RNMT: variants seen among roughly 807,000 people sequenced by gnomAD.
The protein encoded by RNMT is mRNA cap guanine-N(7) methyltransferase.
A neutral mutation model predicts 56.0 loss-of-function variants in RNMT; 27 were observed. The observed-to-expected ratio is 0.48, with a 90% CI of 0.36 to 0.67. The LOEUF (loss-of-function observed/expected upper bound fraction) is 0.67. RNMT is among the 30% of genes least tolerant of loss of function. The probability of loss-of-function intolerance (pLI) is 0.00; values close to 1 mark genes in which losing one functional copy is unlikely to be tolerated. For synonymous variants in RNMT, 184 were observed against 176.2 expected (o/e 1.04, Z -0.35); for missense variants, 519 against 552.1 (o/e 0.94, Z 0.60).
intron 8 of RNMT, 118 bp downstream of exon 8, chr18:13,742,770 CTTGT>C: frequency 1.3e-6 from 1 of 741,280 alleles, no homozygotes; most frequent in Non-Finnish European, 2.1e-6. Context: ...AAAGTATAAT[CTTGT>C]TTTTTTGTTT....
chr18:13,738,745 C>T (rs544938302), intron 5 of RNMT, among the ~76,000 whole-genome samples: 5 of 152,320 alleles, frequency 3.3e-5, no homozygotes, highest in East Asian at 1.9e-4. Context: ...GTGATCAATA[C>T]GAGTTTTTCA....
intron 10 of RNMT, among the ~76,000 whole-genome samples, chr18:13,753,663 C>T (rs542642485): frequency 3.9e-4 from 56 of 141,982 alleles, no homozygotes; most frequent in African/African-American, 1.3e-3. Flanking sequence ...CCCAGCTACT[C>T]GGCAGGCTGA....
Position 13,740,236 on chromosome 18 carries a change from A to C in RNMT, c.749A>C (p.Glu250Ala). 6.2e-7 allele frequency: 1 copy of C among 1,611,376 alleles called. No homozygotes were observed. Among genetic ancestry groups the C allele is most frequent in the Non-Finnish European group, 8.5e-7 (1 of 1,177,520 alleles). Reference sequence around the variant, plus strand: ...GACATGAAAAATCGTCGTGATAGTGAATATATTTTCAGTGCAGAATTTATA... The same window carrying C: ...GACATGAAAAATCGTCGTGATAGTGCATATATTTTCAGTGCAGAATTTATA... ...YEDMKNRRDS[E>A]YIFSAEFITA... The change falls in exon 6 of 12, where the codon GAA becomes GCA. Residue 250 changes from glutamate to alanine, a missense_variant. Coordinates refer to ENST00000383314, the MANE Select transcript of RNMT (RefSeq NM_003799.3).
chr18:13,738,203 C>CT (rs890388725), intron 5 of RNMT, among the ~76,000 whole-genome samples: 4 of 152,008 alleles, frequency 2.6e-5, no homozygotes, highest in Non-Finnish European at 2.9e-5. Flanking sequence ...CCCCAGAAAG[C>CT]TTTTTTGTAT....
In RNMT at chr18:13,736,627, G is replaced by C. The variant is rs1348528136; in HGVS notation, c.554-383G>C. On this transcript the variant is annotated intron_variant, in intron 4 of 11. Transcript: ENST00000383314. ...TGTTAAACACCTAGCTATGGAAAGA[G>C]AAAGCTACAAAAAAAAATATGAATA... Among the ~76,000 whole-genome samples, 7 of 150,966 alleles carry C rather than the reference G, an allele frequency of 4.6e-5. 1 individual carries two copies. The South Asian group carries it at 1.5e-3, about 32-fold the overall frequency.
Position 13,731,470 on chromosome 18 carries a change from T to G in RNMT, c.-42-6T>G. 5 of 1,471,934 alleles carry G rather than the reference T, an allele frequency of 3.4e-6. No homozygotes were observed. In the South Asian group the frequency reaches 6.7e-5, roughly 20 times the overall value. The allele number at this position is 1,471,934 out of a possible 1,614,324, so 91.2% of individuals were successfully genotyped here. A position where few individuals can be genotyped will look rare whatever the true frequency, so the allele number is the denominator to read the frequency against. On this transcript the variant is annotated splice_polypyrimidine_tract_variant and splice_region_variant and intron_variant, in intron 2 of 11. Transcript: ENST00000383314. ...ACAAGTAATACCAATTTTTTTCCTA[T>G]TCTAGTGTTGGTTCATGAAGTTTTA...
At chr18:13,753,885 A>C (rs577571309) in intron 10 of RNMT, among the ~76,000 whole-genome samples, 53 of 151,406 alleles carry the variant, frequency 3.5e-4, no homozygotes, top group Non-Finnish European at 6.2e-4. Flanking sequence ...CCTTTGGATG[A>C]GAATTTGAGA....
intron 8 of RNMT, among the ~76,000 whole-genome samples, chr18:13,743,755 A>G (rs1390467336): frequency 2.0e-5 from 3 of 151,720 alleles, no homozygotes; most frequent in South Asian, 4.1e-4. Context: ...TTGTCTGCTT[A>G]CTTCTGCTTG....
rs541418794 is a variant in RNMT, at chr18:13,761,939, G to A, written c.*1960G>A. On this transcript the variant is annotated 3_prime_UTR_variant, in exon 12 of 12. Coordinates refer to ENST00000383314, the MANE Select transcript of RNMT (RefSeq NM_003799.3). The stretch of plus-strand genomic sequence containing the variant: ...ACTGTTAGGAAGAGGACTAGAAAAG[G>A]CTTCCCCTGCCTATCCTCTCCGATC... The A allele has an allele frequency of 1.4e-6, 2 of 1,412,740 alleles. No individual in the cohort carries two copies. Among genetic ancestry groups the A allele is most frequent in the South Asian group, 2.6e-5 (2 of 78,430 alleles). 87.5% of individuals were successfully genotyped at this position (1,412,740 alleles called of 1,614,324 possible). A position where few individuals can be genotyped will look rare whatever the true frequency, so the allele number is the denominator to read the frequency against.
At chr18:13,738,696 T>C (rs1314970042) in intron 5 of RNMT, among the ~76,000 whole-genome samples, 1 of 152,226 alleles carries the variant, frequency 6.6e-6, no homozygotes, top group African/African-American at 2.4e-5. Context: ...TTAATATCAC[T>C]GCCAATCAGA....
chr18:13,759,462 C>T (rs1407349624), intron 11 of RNMT, among the ~76,000 whole-genome samples: 1 of 152,186 alleles, frequency 6.6e-6, no homozygotes, highest in Non-Finnish European at 1.5e-5. Context: ...ACTTTCTTCA[C>T]AAGGCCCTAC....
intron 8 of RNMT, among the ~76,000 whole-genome samples, chr18:13,744,156 C>CTTTTTTTTTTTTTTTTTTTTTTTTTT (rs1555794897): frequency 7.7e-5 from 2 of 25,952 alleles, no homozygotes; most frequent in African/African-American, 3.0e-4. Flanking sequence ...ACCTAGCGGT[C>CTTTTTTTTTTTTTTTTTTTTTTTTTT]TTCTTTTTTT....
chr18:13,746,207 C>CT lies in RNMT; in HGVS notation c.1140-7dup. 2 of 1,338,578 alleles carry CT rather than the reference C, an allele frequency of 1.5e-6. No homozygotes were observed. The highest frequency in any genetic ancestry group is 2.1e-6 in the Non-Finnish European group (2 of 956,970). The allele number at this position is 1,338,578 out of a possible 1,614,324, so 82.9% of individuals were successfully genotyped here. On this transcript the variant is annotated splice_polypyrimidine_tract_variant and intron_variant, in intron 8 of 11. Coordinates refer to ENST00000383314, the MANE Select transcript of RNMT (RefSeq NM_003799.3). Reference sequence around the variant, plus strand: ...TGTGGAAGCTTTTTCATTAAGTATTCTTTTTTGGACAGAATGGCAAAGAAG... The same window carrying CT: ...TGTGGAAGCTTTTTCATTAAGTATTCTTTTTTTGGACAGAATGGCAAAGAAG...
chr18:13,757,655 T>G (rs2044565863), intron 11 of RNMT, among the ~76,000 whole-genome samples: 1 of 152,218 alleles, frequency 6.6e-6, no homozygotes, highest in African/African-American at 2.4e-5. Context: ...CTTCCTCCAC[T>G]GATGTGTTGA....
Position 13,762,786 on chromosome 18 carries a change from T to G in RNMT, c.*2807T>G. On this transcript the variant is annotated 3_prime_UTR_variant, in exon 12 of 12. Coordinates refer to ENST00000383314, the MANE Select transcript of RNMT (RefSeq NM_003799.3). Reference sequence around the variant, plus strand: ...GTTTTGTTAACTCTCTTTGGGAATTTCTTTTTCAGCCTGTTTTTTAGCTTA... The same window carrying G: ...GTTTTGTTAACTCTCTTTGGGAATTGCTTTTTCAGCCTGTTTTTTAGCTTA... 1.4e-5 allele frequency: 4 copies of G among 277,958 alleles called. No individual in the cohort carries two copies. In the South Asian group the frequency reaches 1.6e-4, roughly 11 times the overall value. The allele number at this position is 277,958 out of a possible 1,614,324, so 17.2% of individuals were successfully genotyped here.
intron 8 of RNMT, among the ~76,000 whole-genome samples, chr18:13,744,156 C>CTTTTTTT (rs1555794897): frequency 3.9e-4 from 10 of 25,954 alleles, no homozygotes; most frequent in African/African-American, 1.5e-3. Context: ...ACCTAGCGGT[C>CTTTTTTT]TTCTTTTTTT....
chr18:13,736,945 A>G, intron 4 of RNMT, 65 bp from the exon 5 acceptor site: 3 of 1,420,640 alleles, frequency 2.1e-6, no homozygotes, highest in Non-Finnish European at 2.9e-6. Context: ...TATTAGAGGT[A>G]ACAGTTTATA....
chr18:13,737,509 C>T (rs556341393), intron 5 of RNMT, among the ~76,000 whole-genome samples: 2 of 151,550 alleles, frequency 1.3e-5, no homozygotes, highest in South Asian at 4.2e-4. Flanking sequence ...CACCACTGCA[C>T]ACCAGCCTGA....
chr18:13,734,397 A>T, intron 3 of RNMT, 67 bp from the exon 4 acceptor site: 1 of 1,445,324 alleles, frequency 6.9e-7, no homozygotes, highest in Non-Finnish European at 9.4e-7. Flanking sequence ...TCACAGGTCA[A>T]ATGTTCTGAG....
Sources: gnomAD v4.1 joint callset for allele counts (sites outside exome capture counted in the v4.1 genomes callset) on GRCh38, gnomAD v4.1.1 for gene constraint, MANE v1.5 for transcripts, NCBI Gene and HGNC (gene_info 2026-07-23, HGNC 2026-07-21) for gene names.